The following IL5RA variants were observed in gnomAD, a reference collection of about 807,000 sequenced individuals.
IL5RA encodes the protein interleukin 5 receptor subunit alpha.
A neutral mutation model predicts 50.0 loss-of-function variants in IL5RA; 49 were observed. The ratio of observed to expected loss-of-function variants is 0.98; its 90% CI spans 0.78 to 1.24. The LOEUF (loss-of-function observed/expected upper bound fraction) is 1.24. Among genes scored for constraint, IL5RA ranks in the 50% most tolerant of loss-of-function variants. The pLI, the probability that IL5RA is intolerant of heterozygous loss-of-function variation, is 0.00. For missense variants in IL5RA, 600 were observed against 500.4 expected (o/e 1.20, Z -1.90); for synonymous variants, 202 against 174.0 (o/e 1.16, Z -1.26).
At chr3:3,090,121 A>G in intron 9 of IL5RA, 1 of 1,308,936 alleles carries the variant, frequency 7.6e-7, no homozygotes, top group Non-Finnish European at 1.1e-6. Context: ...GACTAAGATT[A>G]TGTATTTAGC....
At chr3:3,109,355 C>T (rs1006811968) in intron 1 of IL5RA, among the ~76,000 whole-genome samples, 2 of 152,172 alleles carry the variant, frequency 1.3e-5, no homozygotes, top group African/African-American at 4.8e-5. Flanking sequence ...TAAAGTGCCT[C>T]TCTCTACTTT....
chr3:3,109,261 G>A (rs899930294), intron 1 of IL5RA, among the ~76,000 whole-genome samples: 7 of 151,930 alleles, frequency 4.6e-5, no homozygotes, highest in Admixed American at 2.6e-4. Flanking sequence ...GCAAATTTGG[G>A]TACATTTTAT....
At chr3:3,076,776 G>A (rs1405277297) in intron 9 of IL5RA, 149 bp from the exon 10 acceptor site, 4 of 547,972 alleles carry the variant, frequency 7.3e-6, no homozygotes, top group Non-Finnish European at 9.9e-6. Context: ...ACTTCCCTGA[G>A]CCTAAGATTT....
In IL5RA at chr3:3,096,750, A is replaced by G. The variant is rs560273871; in HGVS notation, c.709+1120T>C. Among the ~76,000 whole-genome samples, 3 of 152,352 alleles carry G rather than the reference A, an allele frequency of 2.0e-5. No homozygotes were observed. The East Asian group carries it at 5.8e-4, about 29-fold the overall frequency. On this transcript the variant is annotated intron_variant, in intron 7 of 11. Coordinates refer to ENST00000446632, the MANE Select transcript of IL5RA (RefSeq NM_175726.4). ...GAAATATATTACTGGAGAGAATTGC[A>G]TAACCTCTTTAGTAAGGGCTATGAT...
rs1192054176 is a variant in IL5RA, at chr3:3,097,877, G to GT, written c.701dup (p.His234GlnfsTer4). On this transcript the variant is annotated frameshift_variant, in exon 7 of 12. Coordinates refer to ENST00000446632, the MANE Select transcript of IL5RA (RefSeq NM_175726.4). LOFTEE classifies it high-confidence loss of function. Reference sequence around the variant, plus strand: ...GGGTTAAGTCGGTCTTACCAATGGCGTGAAGGGCAAACAGCTGATCAAAGG... The same window carrying GT: ...GGGTTAAGTCGGTCTTACCAATGGCGTTGAAGGGCAAACAGCTGATCAAAGG... 9 of 1,612,940 alleles carry GT rather than the reference G, an allele frequency of 5.6e-6. No homozygotes were observed. Among genetic ancestry groups the GT allele is most frequent in the Non-Finnish European group, 7.6e-6 (9 of 1,179,324 alleles).
chr3:3,096,636 A>T (rs563491513), intron 7 of IL5RA, among the ~76,000 whole-genome samples: 69 of 152,170 alleles, frequency 4.5e-4, no homozygotes, highest in Non-Finnish European at 2.6e-4. Context: ...GATCATATCC[A>T]TTTTCATATT....
rs1311439756 is a variant in IL5RA at position 3,068,598 on chromosome 3, A to C, written c.*1627T>G. ...CACCACCCACCCCACAAAAAAAAAA[A>C]AAAAAAAAAACAAAAACAGGTTTGA... On this transcript the variant is annotated 3_prime_UTR_variant, in exon 12 of 12. Coordinates refer to ENST00000446632, the MANE Select transcript of IL5RA (RefSeq NM_175726.4). 1 of 127,516 alleles carries C rather than the reference A, an allele frequency of 7.8e-6. No individual in the cohort carries two copies. Among genetic ancestry groups the C allele is most frequent in the Non-Finnish European group, 1.7e-5 (1 of 59,276 alleles). The allele number at this position is 127,516 out of a possible 1,614,324, so 7.9% of individuals were successfully genotyped here.
chr3:3,092,375 A>C lies in IL5RA; in HGVS notation c.856-13T>G. On this transcript the variant is annotated splice_polypyrimidine_tract_variant and intron_variant, in intron 8 of 11. Transcript: ENST00000446632. The surrounding 1 kb of genome is among the most constrained non-coding windows in gnomAD (Gnocchi z 4.2). The stretch of plus-strand genomic sequence containing the variant: ...TCAATTTTTCTATCTAAGTGGGGAA[A>C]GATAGCATTAGAAGAATCTCTAGAC... 1.9e-6 allele frequency: 3 copies of C among 1,610,946 alleles called. No individual in the cohort carries two copies. Among genetic ancestry groups the C allele is most frequent in the Non-Finnish European group, 2.5e-6 (3 of 1,178,992 alleles).
At chr3:3,101,929 T>C in intron 4 of IL5RA, 99 bp from the exon 5 acceptor site, 1 of 1,055,364 alleles carries the variant, frequency 9.5e-7, no homozygotes, top group Non-Finnish European at 1.4e-6. Flanking sequence ...TTTAAATGAT[T>C]AGTAAGATGC....
chr3:3,106,883 A>C (rs1018738588), intron 2 of IL5RA, among the ~76,000 whole-genome samples: 2 of 149,406 alleles, frequency 1.3e-5, no homozygotes, highest in African/African-American at 4.9e-5. Context: ...CTGGCAAAGT[A>C]AAACTATGTT....
At chr3:3,078,746 A>G (rs552296340) in intron 9 of IL5RA, among the ~76,000 whole-genome samples, 20 of 151,962 alleles carry the variant, frequency 1.3e-4, no homozygotes, top group African/African-American at 4.6e-4. Context: ...AGGCAGGACA[A>G]TTGCTTGAAC....
chr3:3,083,717 G>A (rs1228801079), intron 9 of IL5RA, among the ~76,000 whole-genome samples: 3 of 152,236 alleles, frequency 2.0e-5, no homozygotes, highest in Admixed American at 1.3e-4. Context: ...TGCAGAGGAT[G>A]TAGTCATCAC....
At chr3:3,082,375 A>T (rs1474072188) in intron 9 of IL5RA, among the ~76,000 whole-genome samples, 2 of 152,230 alleles carry the variant, frequency 1.3e-5, no homozygotes, top group Non-Finnish European at 2.9e-5. Context: ...TCAAGAAATC[A>T]ATGGGCACTG....
Position 3,104,844 on chromosome 3 carries a change from T to C in IL5RA, c.82+59A>G, listed in dbSNP as rs907191707. 4.9e-6 allele frequency: 5 copies of C among 1,030,228 alleles called. No individual in the cohort carries two copies. In the African/African-American group the frequency reaches 8.0e-5, roughly 17 times the overall value. 63.8% of individuals were successfully genotyped at this position (1,030,228 alleles called of 1,614,324 possible). On this transcript the variant is annotated intron_variant, in intron 3 of 11. Coordinates refer to ENST00000446632, the MANE Select transcript of IL5RA (RefSeq NM_175726.4). ...GACAGTTTAAGAGGAAATAATGTTA[T>C]CCTTTTACTAACATATTTTTAAAAA...
At position 3,092,074 on chromosome 3, in the gene IL5RA, TG is replaced by T; in HGVS notation, c.994+149del. The T allele has an allele frequency of 7.1e-7, 1 of 1,414,730 alleles. No individual in the cohort carries two copies. The highest frequency in any genetic ancestry group is 1.7e-5 in the South Asian group (1 of 60,140). 87.6% of individuals were successfully genotyped at this position (1,414,730 alleles called of 1,614,324 possible). On this transcript the variant is annotated intron_variant, in intron 9 of 11. Coordinates refer to ENST00000446632, the MANE Select transcript of IL5RA (RefSeq NM_175726.4). This position sits in a 1 kb window ranked among gnomAD's most constrained non-coding sequence, Gnocchi z 4.2. ...ACTGGCTTCATGGCAAATCTATTCC[TG>T]ATTGAAAAGGCAGTAGACCGAGAGA...
At position 3,097,897 on chromosome 3, in the gene IL5RA, C is replaced by A; in HGVS notation, c.682G>T (p.Asp228Tyr). The A allele has an allele frequency of 6.2e-7, 1 of 1,614,020 alleles. No homozygotes were observed. Among genetic ancestry groups the A allele is most frequent in the Non-Finnish European group, 8.5e-7 (1 of 1,179,944 alleles). The change falls in exon 7 of 12, where the codon GAT becomes TAT. Residue 228 changes from aspartate (D) to tyrosine (Y), a missense_variant. Physicochemically the swap from Asp to Tyr is radical, Grantham distance 160. Coordinates refer to ENST00000446632, the MANE Select transcript of IL5RA (RefSeq NM_175726.4). ...ATGGCGTGAAGGGCAAACAGCTGATCAAAGGGCCTGATAGCAGAGTGCTTG... is the reference window on the plus strand; with the variant it reads ...ATGGCGTGAAGGGCAAACAGCTGATAAAAGGGCCTGATAGCAGAGTGCTTG... Reference protein sequence around the residue: ...SSKHSAIRPFDQLFALHAIDQ... With the variant: ...SSKHSAIRPFYQLFALHAIDQ...
chr3:3,100,068 A>T (rs1253321248), intron 5 of IL5RA, among the ~76,000 whole-genome samples: 1 of 152,208 alleles, frequency 6.6e-6, no homozygotes, highest in Non-Finnish European at 1.5e-5. Context: ...TCGTTGCTGT[A>T]TTAACTGTTG....
intron 9 of IL5RA, among the ~76,000 whole-genome samples, chr3:3,086,586 T>C (rs1031155783): frequency 2.6e-5 from 4 of 152,008 alleles, no homozygotes; most frequent in Admixed American, 2.6e-4. Context: ...TAGTCCCAGC[T>C]ACTCAGGAGG....
chr3:3,105,332 C>G (rs1180864671), intron 2 of IL5RA: 1 of 163,424 alleles, frequency 6.1e-6, no homozygotes, highest in Non-Finnish European at 1.3e-5. Flanking sequence ...AGAGACATGC[C>G]TGGTGGAACC....
Sources: gnomAD v4.1 joint callset for allele counts (sites outside exome capture counted in the v4.1 genomes callset) on GRCh38, gnomAD v4.1.1 for gene constraint, Gnocchi (gnomAD v3.1) non-coding constraint, MANE v1.5 for transcripts, NCBI Gene and HGNC (gene_info 2026-07-23, HGNC 2026-07-21) for gene names.